The following PCDHGA10 variants were observed in gnomAD, a reference collection of about 807,000 sequenced individuals.
PCDHGA10 encodes protocadherin gamma subfamily A, 10, also known as protocadherin gamma-A10.
A neutral mutation model predicts 59.5 loss-of-function variants in PCDHGA10; 42 were observed. The ratio of observed to expected loss-of-function variants is 0.71; its 90% CI spans 0.55 to 0.91. The LOEUF is 0.91. Ranked by LOEUF, PCDHGA10 falls within the 40% of genes least tolerant of loss-of-function variation. PCDHGA10 has a pLI of 0.00. For missense variants in PCDHGA10, 1,111 were observed against 1,198.2 expected (o/e 0.93, Z 1.07); for synonymous variants, 511 against 517.2 (o/e 0.99, Z 0.16).
At chr5:141,450,033 G>T (rs1377962229) in intron 1 of PCDHGA10, among the ~76,000 whole-genome samples, 2 of 131,450 alleles carry the variant, frequency 1.5e-5, no homozygotes, top group Admixed American at 8.4e-5. Flanking sequence ...TTGAGACAGG[G>T]TCTCACTCTT....
intron 1 of PCDHGA10, among the ~76,000 whole-genome samples, chr5:141,460,963 G>A (rs760674165): frequency 3.0e-4 from 27 of 89,804 alleles, no homozygotes; most frequent in Admixed American, 4.3e-4. Context: ...ATATATATAT[G>A]TGTGTGTGTG....
Position 141,480,177 on chromosome 5 carries a change from G to T in PCDHGA10, c.2437-14630G>T, listed in dbSNP as rs570721769. 4.6e-5 allele frequency among the ~76,000 whole-genome samples: 7 copies of T among 152,066 alleles called. No homozygotes were observed. In the South Asian group the frequency reaches 6.3e-4, roughly 14 times the overall value. ...CTAGCATTTTGGGAGGCTGAGGCAGGCGGATTGCTTGAGGCCAGCAGTTCA... is the reference window on the plus strand; with the variant it reads ...CTAGCATTTTGGGAGGCTGAGGCAGTCGGATTGCTTGAGGCCAGCAGTTCA... On this transcript the variant is annotated intron_variant, in intron 1 of 3. Coordinates refer to ENST00000398610, the MANE Select transcript of PCDHGA10 (RefSeq NM_018913.3).
rs2097403311 is a variant in PCDHGA10 at position 141,431,640 on chromosome 5, T to C, written c.2436+16029T>C. 6.2e-7 allele frequency: 1 copy of C among 1,614,094 alleles called. No individual in the cohort carries two copies. The highest frequency in any genetic ancestry group is 8.5e-7 in the Non-Finnish European group (1 of 1,180,040). On this transcript the variant is annotated intron_variant, in intron 1 of 3. Coordinates refer to ENST00000398610, the MANE Select transcript of PCDHGA10 (RefSeq NM_018913.3). This position sits in a 1 kb window ranked among gnomAD's most constrained non-coding sequence, Gnocchi z 4.8. ...GACAAGGCGGCCCAAGTTTTCAAACTAGATTGTAATTCAGGGACAATATCA... is the reference window on the plus strand; with the variant it reads ...GACAAGGCGGCCCAAGTTTTCAAACCAGATTGTAATTCAGGGACAATATCA...
At chr5:141,484,071 T>C (rs1405337642) in intron 1 of PCDHGA10, among the ~76,000 whole-genome samples, 1 of 152,144 alleles carries the variant, frequency 6.6e-6, no homozygotes, top group Non-Finnish European at 1.5e-5. Flanking sequence ...GTGAAAAGCT[T>C]GCTCTTTTGA....
chr5:141,505,742 G>A (rs1024914690), intron 3 of PCDHGA10, among the ~76,000 whole-genome samples: 1 of 152,150 alleles, frequency 6.6e-6, no homozygotes, highest in Non-Finnish European at 1.5e-5. Flanking sequence ...TACAAGTCTA[G>A]CTCTGGAATG....
chr5:141,485,714 G>A lies in PCDHGA10; in HGVS notation c.2437-9093G>A. 6.2e-7 allele frequency: 1 copy of A among 1,614,182 alleles called. No individual in the cohort carries two copies. The highest frequency in any genetic ancestry group is 8.5e-7 in the Non-Finnish European group (1 of 1,180,042). On this transcript the variant is annotated intron_variant, in intron 1 of 3. Transcript: ENST00000398610. This position sits in a 1 kb window ranked among gnomAD's most constrained non-coding sequence, Gnocchi z 5.7. ...GAGCTCCAATGAACACTTTGCACTG[G>A]ATGTGAAGAAGCGCAGCGACGGCAG...
chr5:141,430,622 A>T, intron 1 of PCDHGA10: 1 of 752,270 alleles, frequency 1.3e-6, no homozygotes, highest in Admixed American at 2.9e-5. Context: ...GATAGCTAGG[A>T]ATGAACCATC....
intron 2 of PCDHGA10, among the ~76,000 whole-genome samples, chr5:141,498,618 G>A (rs191513899): frequency 1.3e-5 from 2 of 152,220 alleles, no homozygotes; most frequent in East Asian, 3.9e-4. Context: ...TCAGCACTGG[G>A]TCACACTGCC....
At chr5:141,459,910 A>G (rs2098977946) in intron 1 of PCDHGA10, among the ~76,000 whole-genome samples, 2 of 152,042 alleles carry the variant, frequency 1.3e-5, no homozygotes, top group Non-Finnish European at 1.5e-5. Context: ...GAGCTATGGG[A>G]GTTTTAAAAT....
intron 1 of PCDHGA10, chr5:141,423,809 GT>G (rs1484832928): frequency 7.9e-7 from 1 of 1,259,912 alleles, no homozygotes; most frequent in African/African-American, 1.6e-5. Context: ...ATACATGTGA[GT>G]TTTACTTTGC....
Position 141,428,007 on chromosome 5 carries a change from A to T in PCDHGA10, c.2436+12396A>T, listed in dbSNP as rs770851074. 9.4e-6 allele frequency: 15 copies of T among 1,602,018 alleles called. No individual in the cohort carries two copies. In the African/African-American group the frequency reaches 1.5e-4, roughly 16 times the overall value. ...GCCCGATGGCTCCGCACTCTTCGAT[A>T]TAGTGCCACGCGCCGCAGAGTCCGG... On this transcript the variant is annotated intron_variant, in intron 1 of 3. Coordinates refer to ENST00000398610, the MANE Select transcript of PCDHGA10 (RefSeq NM_018913.3).
At chr5:141,439,571 G>T (rs1010967112) in intron 1 of PCDHGA10, among the ~76,000 whole-genome samples, 4 of 152,154 alleles carry the variant, frequency 2.6e-5, no homozygotes, top group Non-Finnish European at 4.4e-5. Flanking sequence ...CTAGAGTAGG[G>T]ACTCAGAGTG....
intron 1 of PCDHGA10, among the ~76,000 whole-genome samples, chr5:141,436,181 T>A (rs1050736907): frequency 1.3e-5 from 2 of 152,092 alleles, no homozygotes; most frequent in African/African-American, 4.8e-5. Context: ...TCATATATAG[T>A]CAAATAGAAA....
At chr5:141,466,993 T>G (rs2099133598) in intron 1 of PCDHGA10, among the ~76,000 whole-genome samples, 1 of 152,148 alleles carries the variant, frequency 6.6e-6, no homozygotes, top group African/African-American at 2.4e-5. Context: ...CCTTTTGGCA[T>G]TTTTTTGCAA....
chr5:141,440,103 A>G (rs1391819927), intron 1 of PCDHGA10: 1 of 152,222 alleles, frequency 6.6e-6, no homozygotes, highest in Non-Finnish European at 1.5e-5. Flanking sequence ...GAAAGTGGAG[A>G]CTTACTTGTG....
chr5:141,488,054 A>G (rs1255295788), intron 1 of PCDHGA10, among the ~76,000 whole-genome samples: 1 of 152,206 alleles, frequency 6.6e-6, no homozygotes, highest in Admixed American at 6.5e-5. Flanking sequence ...TTGAGGGGAA[A>G]TAAAATCTTT....
At chr5:141,464,282 A>AG (rs1318553407) in intron 1 of PCDHGA10, among the ~76,000 whole-genome samples, 1 of 151,396 alleles carries the variant, frequency 6.6e-6, no homozygotes, top group Non-Finnish European at 1.5e-5. Flanking sequence ...AAAAAAGCAA[A>AG]AAAAAAAACT....
At chr5:141,452,256 C>T (rs533770410) in intron 1 of PCDHGA10, among the ~76,000 whole-genome samples, 1 of 152,298 alleles carries the variant, frequency 6.6e-6, no homozygotes, top group African/African-American at 2.4e-5. Flanking sequence ...CCATAACTCT[C>T]TCATTTTCTT....
intron 1 of PCDHGA10, chr5:141,423,382 C>A (rs1244632347): frequency 6.2e-7 from 1 of 1,614,118 alleles, no homozygotes; most frequent in Admixed American, 1.7e-5. Context: ...CAGGCTGTGG[C>A]GCTGGCATAA....
Sources: gnomAD v4.1 joint callset for allele counts (sites outside exome capture counted in the v4.1 genomes callset) on GRCh38, gnomAD v4.1.1 for gene constraint, Gnocchi (gnomAD v3.1) non-coding constraint, MANE v1.5 for transcripts, NCBI Gene and HGNC (gene_info 2026-07-23, HGNC 2026-07-21) for gene names.